The following ANKFN1 variants were observed in gnomAD, a reference collection of about 807,000 sequenced individuals.
ANKFN1 encodes ankyrin repeat and fibronectin type-III domain-containing protein 1.
In ANKFN1, 74 loss-of-function variants were observed where a neutral mutation model predicts 108.7. The observed-to-expected ratio is 0.68, with a 90% CI of 0.56 to 0.83. The LOEUF (loss-of-function observed/expected upper bound fraction) is 0.83, where lower values mean the gene tolerates loss of function less well. Ranked by LOEUF, ANKFN1 falls within the 40% of genes least tolerant of loss-of-function variation. The pLI is 0.00. For missense variants in ANKFN1, 1,505 were observed against 1,382.3 expected, an observed-to-expected ratio of 1.09 and a Z score of -1.41; for synonymous variants, 547 against 516.2, an observed-to-expected ratio of 1.06 and a Z score of -0.81.
At chr17:56,144,259 A>C (rs1908122470) in intron 4 of ANKFN1, among the ~76,000 whole-genome samples, 1 of 151,728 alleles carries the variant, frequency 6.6e-6, no homozygotes, top group Admixed American at 6.6e-5. Context: ...CTTCTATTGA[A>C]TCTATCAGCT....
rs556858384 is a variant in ANKFN1, at chr17:56,146,815, T to C, written c.289-81102T>C. On this transcript the variant is annotated intron_variant, in intron 4 of 12. Transcript: ENST00000635860. Reference sequence around the variant, plus strand: ...CCCTGGAGACATTTTCCTCGTTGTCTTGGTGATTAACTTTCAGCTCCTTGT... The same window carrying C: ...CCCTGGAGACATTTTCCTCGTTGTCCTGGTGATTAACTTTCAGCTCCTTGT... 1.2e-3 allele frequency among the ~76,000 whole-genome samples: 182 copies of C among 152,366 alleles called. 3 individuals carry two copies. In the South Asian group the frequency reaches 0.018, roughly 15 times the overall value.
rs1278069714 is a variant in ANKFN1, at chr17:56,263,988, G to C, written c.53+36031G>C. ...TAAAAATCAAAGAGAGCAAAGAAAG[G>C]AGGAGAGAAAGTGTTTTGTGTGAGA... is the stretch of plus-strand genomic sequence containing the variant. On this transcript the variant is annotated intron_variant, in intron 3 of 20. Transcript: ENST00000682825. 3.9e-5 allele frequency among the ~76,000 whole-genome samples: 6 copies of C among 152,182 alleles called. 1 individual carries two copies. Among genetic ancestry groups the C allele is most frequent in the Non-Finnish European group, 8.8e-5 (6 of 68,032 alleles).
At chr17:56,123,370 A>G (rs1464018346) in intron 4 of ANKFN1, among the ~76,000 whole-genome samples, 1 of 152,144 alleles carries the variant, frequency 6.6e-6, no homozygotes, top group Non-Finnish European at 1.5e-5. Flanking sequence ...AGTTTAATGG[A>G]TAGGCTTGAA....
chr17:56,476,581 G>A (rs1333094990), intron 15 of ANKFN1, among the ~76,000 whole-genome samples: 1 of 152,214 alleles, frequency 6.6e-6, no homozygotes. Flanking sequence ...ATTCAGTGAA[G>A]CTGATGATGT....
chr17:56,477,435 G>T, intron 15 of ANKFN1, 53 bp from the exon 16 acceptor site: 7 of 1,464,948 alleles, frequency 4.8e-6, no homozygotes, highest in Non-Finnish European at 6.3e-6. Context: ...TTTTGAGATT[G>T]CCCTTCGAGT....
chr17:56,281,597 A>G (rs558518605), intron 3 of ANKFN1, among the ~76,000 whole-genome samples: 25 of 152,342 alleles, frequency 1.6e-4, no homozygotes, highest in African/African-American at 5.8e-4. Flanking sequence ...AAATATATTC[A>G]TGTCACATAG....
In ANKFN1 at chr17:56,286,010, A is replaced by G. The variant is rs561313331; in HGVS notation, c.54-40211A>G. Among the ~76,000 whole-genome samples, 3 of 152,016 alleles carry G rather than the reference A, an allele frequency of 2.0e-5. No homozygotes were observed. The East Asian group carries it at 5.8e-4, about 29-fold the overall frequency. Reference sequence around the variant, plus strand: ...TTTAATTATACCCCCTTTCACTTTCAAAAAAAATGTATAAAGCATCTCAGT... The same window carrying G: ...TTTAATTATACCCCCTTTCACTTTCGAAAAAAATGTATAAAGCATCTCAGT... On this transcript the variant is annotated intron_variant, in intron 3 of 20. Coordinates refer to ENST00000682825, the MANE Select transcript of ANKFN1 (RefSeq NM_001370326.1).
At chr17:56,493,061 A>G (rs2051092340) in intron 19 of ANKFN1, among the ~76,000 whole-genome samples, 1 of 152,210 alleles carries the variant, frequency 6.6e-6, no homozygotes, top group South Asian at 2.1e-4. Flanking sequence ...GATAAATATC[A>G]CTATGATACA....
At position 56,421,028 on chromosome 17, in the gene ANKFN1, A is replaced by C. The variant is rs187129503; in HGVS notation, c.911-19299A>C. 3.3e-5 allele frequency among the ~76,000 whole-genome samples: 5 copies of C among 152,250 alleles called. 1 individual carries two copies. The highest frequency in any genetic ancestry group is 5.9e-5 in the Non-Finnish European group (4 of 68,018). ...CGGCCGACTCCTTCTTTTAAAATGA[A>C]AATATTTGTGTGCTGGGGGGCGGGA... On this transcript the variant is annotated intron_variant, in intron 8 of 20. Transcript: ENST00000682825.
intron 4 of ANKFN1, among the ~76,000 whole-genome samples, chr17:56,107,103 A>G (rs1404950001): frequency 6.6e-6 from 1 of 152,072 alleles, no homozygotes; most frequent in East Asian, 1.9e-4. Context: ...TTCTGGATGA[A>G]CTTTGGTGGA....
chr17:56,403,525 C>G (rs1316316483), intron 8 of ANKFN1, among the ~76,000 whole-genome samples: 3 of 152,056 alleles, frequency 2.0e-5, no homozygotes, highest in Non-Finnish European at 4.4e-5. Context: ...TTTTTCCACC[C>G]TTTTACTGTA....
chr17:56,060,541 C>G (rs1230383626), intron 4 of ANKFN1, among the ~76,000 whole-genome samples: 1 of 152,122 alleles, frequency 6.6e-6, no homozygotes, highest in Non-Finnish European at 1.5e-5. Context: ...AGCTTTTGCC[C>G]ATTTCATATG....
At chr17:56,307,925 A>G (rs903639600) in intron 3 of ANKFN1, among the ~76,000 whole-genome samples, 1 of 152,192 alleles carries the variant, frequency 6.6e-6, no homozygotes, top group African/African-American at 2.4e-5. Flanking sequence ...CATGTCCTTT[A>G]TAGGGACATG....
At chr17:56,467,834 G>GAAAGAA (rs2050175606) in intron 15 of ANKFN1, among the ~76,000 whole-genome samples, 1 of 60,294 alleles carries the variant, frequency 1.7e-5, no homozygotes, top group African/African-American at 9.1e-5. Context: ...AAGAAAGAAA[G>GAAAGAA]AAAGAAAGAA....
At chr17:56,391,678 G>T (rs142079183) in intron 8 of ANKFN1, among the ~76,000 whole-genome samples, 1 of 151,760 alleles carries the variant, frequency 6.6e-6, no homozygotes, top group African/African-American at 2.4e-5. Context: ...CACCCACCTC[G>T]GCCTCCCAAA....
At chr17:56,263,616 A>G in intron 3 of ANKFN1, among the ~76,000 whole-genome samples, 1 of 152,232 alleles carries the variant, frequency 6.6e-6, no homozygotes, top group East Asian at 1.9e-4. Context: ...AGCAATTTGT[A>G]GCTCTCCTGT....
At chr17:56,157,436 C>T (rs1909218116) in intron 1 of ANKFN1, among the ~76,000 whole-genome samples, 1 of 152,170 alleles carries the variant, frequency 6.6e-6, no homozygotes. Flanking sequence ...CACTTTATAC[C>T]CTCGGATGAC....
chr17:56,307,225 A>G (rs957472741), intron 3 of ANKFN1, among the ~76,000 whole-genome samples: 9 of 152,228 alleles, frequency 5.9e-5, no homozygotes, highest in Admixed American at 1.3e-4. Context: ...AAATTGACAA[A>G]TGGGATCTAA....
At chr17:56,264,576 A>G (rs576903791) in intron 3 of ANKFN1, among the ~76,000 whole-genome samples, 1 of 152,126 alleles carries the variant, frequency 6.6e-6, no homozygotes, top group Non-Finnish European at 1.5e-5. Flanking sequence ...TGTGCTTTTC[A>G]GGCCCCTCAA....
Sources: gnomAD v4.1 joint callset for allele counts (sites outside exome capture counted in the v4.1 genomes callset) on GRCh38, gnomAD v4.1.1 for gene constraint, MANE v1.5 for transcripts, NCBI Gene and HGNC (gene_info 2026-07-23, HGNC 2026-07-21) for gene names.